Variants in TRPM3 observed in about 807,000 individuals in gnomAD.
TRPM3 encodes the protein transient receptor potential cation channel subfamily M member 3.
In TRPM3, 77 loss-of-function variants were observed where a neutral mutation model predicts 181.2. The ratio of observed to expected loss-of-function variants is 0.42; its 90% CI spans 0.35 to 0.51. The LOEUF is 0.51. Ranked by LOEUF, TRPM3 falls within the 20% of genes least tolerant of loss-of-function variation. The probability of loss-of-function intolerance (pLI) is 0.01; values close to 1 mark genes in which losing one functional copy is unlikely to be tolerated. For synonymous variants in TRPM3, 745 were observed against 796.4 expected (o/e 0.94, Z 1.09); for missense variants, 1,759 against 2,196.7 (o/e 0.80, Z 3.98).
chr9:71,411,825 T>A (rs2093555176), intron 1 of TRPM3, among the ~76,000 whole-genome samples: 2 of 152,192 alleles, frequency 1.3e-5, no homozygotes, highest in South Asian at 4.1e-4. Context: ...GCCGGAGGCA[T>A]CATGCTACCT....
chr9:71,131,844 T>C (rs969321857), intron 1 of TRPM3, among the ~76,000 whole-genome samples: 2 of 152,174 alleles, frequency 1.3e-5, no homozygotes, highest in Non-Finnish European at 2.9e-5. Flanking sequence ...AAGGAGTAAG[T>C]ACAGGTATCA....
At chr9:71,414,830 G>T (rs1182069569) in intron 1 of TRPM3, among the ~76,000 whole-genome samples, 4 of 152,020 alleles carry the variant, frequency 2.6e-5, no homozygotes, top group African/African-American at 9.7e-5. Context: ...AAATGTGTAG[G>T]AAAGACCATA....
intron 1 of TRPM3, among the ~76,000 whole-genome samples, chr9:71,407,097 A>G (rs528114931): frequency 1.1e-4 from 16 of 152,314 alleles, no homozygotes; most frequent in African/African-American, 3.6e-4. Context: ...AAAATCAATA[A>G]CTTGACTTTT....
chr9:71,038,058 A>G (rs2058416595), intron 1 of TRPM3, among the ~76,000 whole-genome samples: 1 of 152,224 alleles, frequency 6.6e-6, no homozygotes, highest in East Asian at 1.9e-4. Context: ...AACCTACTGA[A>G]TTTTCAACAG....
chr9:71,281,781 G>C (rs919086619), intron 1 of TRPM3, among the ~76,000 whole-genome samples: 2 of 152,154 alleles, frequency 1.3e-5, no homozygotes, highest in African/African-American at 4.8e-5. Flanking sequence ...GAAAATTGTG[G>C]CCAGGTGCGG....
rs377619109 is a variant in TRPM3, at chr9:71,349,563, A to G, written c.183+97090T>C. 2.0e-5 allele frequency among the ~76,000 whole-genome samples: 3 copies of G among 152,330 alleles called. No homozygotes were observed. In the South Asian group the frequency reaches 6.2e-4, roughly 32 times the overall value. ...TTTTAAAACCCCAAGATATTTTATAATATTTTAACGGTGTACGTTTGCCAA... is the reference window on the plus strand; with the variant it reads ...TTTTAAAACCCCAAGATATTTTATAGTATTTTAACGGTGTACGTTTGCCAA... On this transcript the variant is annotated intron_variant, in intron 1 of 24. Transcript: ENST00000357533.
chr9:70,767,448 T>C (rs2079371297), intron 7 of TRPM3, among the ~76,000 whole-genome samples: 1 of 152,250 alleles, frequency 6.6e-6, no homozygotes, highest in Non-Finnish European at 1.5e-5. Context: ...GTATGCCATG[T>C]ATTCTGTAAT....
intron 1 of TRPM3, among the ~76,000 whole-genome samples, chr9:71,027,675 G>A (rs1365585029): frequency 6.6e-6 from 1 of 152,180 alleles, no homozygotes; most frequent in Non-Finnish European, 1.5e-5. Context: ...GCAATTGCAA[G>A]TATTAGCAGC....
intron 1 of TRPM3, among the ~76,000 whole-genome samples, chr9:70,939,329 C>G (rs554351411): frequency 6.6e-5 from 10 of 152,312 alleles, no homozygotes; most frequent in Middle Eastern, 3.4e-3. Flanking sequence ...GCTAATTACC[C>G]GACAGTCCCT....
At chr9:71,204,435 T>G (rs956616915) in intron 1 of TRPM3, among the ~76,000 whole-genome samples, 7 of 152,180 alleles carry the variant, frequency 4.6e-5, no homozygotes, top group African/African-American at 1.7e-4. Context: ...AAGAAGACAT[T>G]TATGCAGCCA....
At chr9:70,634,510 C>T in intron 12 of TRPM3, among the ~76,000 whole-genome samples, 1 of 152,168 alleles carries the variant, frequency 6.6e-6, no homozygotes, top group Non-Finnish European at 1.5e-5. Context: ...TGCACCTAGT[C>T]ATCACTAGCT....
At chr9:71,176,755 A>C (rs1374420462) in intron 1 of TRPM3, among the ~76,000 whole-genome samples, 1 of 152,066 alleles carries the variant, frequency 6.6e-6, no homozygotes, top group East Asian at 1.9e-4. Flanking sequence ...TATCATTTTT[A>C]ATCTTGGATA....
intron 1 of TRPM3, among the ~76,000 whole-genome samples, chr9:70,916,523 A>G (rs936313769): frequency 1.3e-5 from 2 of 152,180 alleles, no homozygotes; most frequent in East Asian, 1.9e-4. Flanking sequence ...TAGAGTTTCT[A>G]TTAGTTTTTG....
chr9:71,433,903 C>T (rs2093993976), intron 1 of TRPM3, among the ~76,000 whole-genome samples: 1 of 152,166 alleles, frequency 6.6e-6, no homozygotes, highest in Non-Finnish European at 1.5e-5. Flanking sequence ...CATCTGTAAT[C>T]CCAGCACTTT....
At chr9:70,561,420 C>A (rs17536837) in intron 22 of TRPM3, among the ~76,000 whole-genome samples, 8,507 of 152,216 alleles carry the variant, frequency 0.056, 362 homozygotes, top group Non-Finnish European at 0.09. Context: ...TAGAAGTTTC[C>A]TTATCTGAGG....
At chr9:70,871,431 T>A (rs941729281) in intron 1 of TRPM3, among the ~76,000 whole-genome samples, 2 of 151,952 alleles carry the variant, frequency 1.3e-5, no homozygotes, top group African/African-American at 4.8e-5. Flanking sequence ...TTTTGTCTTG[T>A]TTTCCCTTTA....
chr9:70,814,762 G>C (rs2092525527), intron 6 of TRPM3, among the ~76,000 whole-genome samples: 1 of 152,036 alleles, frequency 6.6e-6, no homozygotes, highest in Non-Finnish European at 1.5e-5. Context: ...TGACCCACAG[G>C]TCAAGAATGA....
At chr9:70,559,855 T>C (rs2048633018) in intron 22 of TRPM3, among the ~76,000 whole-genome samples, 1 of 152,134 alleles carries the variant, frequency 6.6e-6, no homozygotes, top group South Asian at 2.1e-4. Context: ...ATCCTACTTA[T>C]TTCAGACACT....
At chr9:70,640,879 A>G (rs1044276223) in intron 9 of TRPM3, among the ~76,000 whole-genome samples, 2 of 152,142 alleles carry the variant, frequency 1.3e-5, no homozygotes, top group Non-Finnish European at 2.9e-5. Context: ...TTATTATTAC[A>G]TTTTTAAAAA....
Sources: gnomAD v4.1 joint callset for allele counts (sites outside exome capture counted in the v4.1 genomes callset) on GRCh38, gnomAD v4.1.1 for gene constraint, MANE v1.5 for transcripts, NCBI Gene and HGNC (gene_info 2026-07-23, HGNC 2026-07-21) for gene names.